The following LRP1B variants were observed in gnomAD, a reference collection of about 807,000 sequenced individuals.
The protein encoded by LRP1B is LDL receptor related protein 1B.
In LRP1B, 217 loss-of-function variants were observed where a neutral mutation model predicts 556.6. The ratio of observed to expected loss-of-function variants is 0.39; its 90% confidence interval spans 0.35 to 0.44. The LOEUF is 0.44. Among genes scored for constraint, LRP1B ranks in the 20% least tolerant of loss-of-function variants. LRP1B has a pLI of 1.00. For synonymous variants in LRP1B, 2,047 were observed against 1,865.8 expected, an observed-to-expected ratio of 1.10 and a Z score of -2.50; for missense variants, 5,053 against 5,620.8, an observed-to-expected ratio of 0.90 and a Z score of 3.23.
At position 141,565,907 on chromosome 2, in the gene LRP1B, AT is replaced by A. The variant is rs548783923; in HGVS notation, c.206-85375del. Among the ~76,000 whole-genome samples the A allele has an allele frequency of 1.8e-4, 27 of 149,834 alleles. No individual in the cohort carries two copies. In the South Asian group the frequency reaches 5.0e-3, roughly 28 times the overall value. ...AATATAACTAACATTATTGAGCACC[AT>A]TTTTTTTTGCCAGGCACTCTGCCTG... On this transcript the variant is annotated intron_variant, in intron 2 of 90. Coordinates refer to ENST00000389484, the MANE Select transcript of LRP1B (RefSeq NM_018557.3).
intron 31 of LRP1B, among the ~76,000 whole-genome samples, chr2:140,839,366 G>A (rs1224497594): frequency 1.3e-5 from 2 of 152,142 alleles, no homozygotes; most frequent in African/African-American, 4.8e-5. Flanking sequence ...TCCTCGGTGT[G>A]TCTGTGAAGC....
intron 6 of LRP1B, among the ~76,000 whole-genome samples, chr2:141,202,149 C>T (rs181197537): frequency 8.0e-5 from 12 of 149,970 alleles, no homozygotes; most frequent in Non-Finnish European, 1.2e-4. Context: ...TGTTGTTGCC[C>T]CCACCTCATG....
At chr2:141,116,802 A>T (rs1700910767) in intron 7 of LRP1B, among the ~76,000 whole-genome samples, 1 of 152,022 alleles carries the variant, frequency 6.6e-6, no homozygotes, top group Admixed American at 6.6e-5. Context: ...CAAAGACTGG[A>T]AAGTATATTT....
At chr2:140,831,243 C>T (rs1691703963) in intron 31 of LRP1B, among the ~76,000 whole-genome samples, 1 of 152,148 alleles carries the variant, frequency 6.6e-6, no homozygotes, top group Non-Finnish European at 1.5e-5. Context: ...TAAATAAAGA[C>T]AGAGACATCA....
intron 1 of LRP1B, among the ~76,000 whole-genome samples, chr2:142,121,262 T>A (rs1340940518): frequency 6.6e-6 from 1 of 152,168 alleles, no homozygotes; most frequent in Admixed American, 6.5e-5. Context: ...TTCTTGTCCT[T>A]CTTTTCAGAC....
chr2:142,082,885 C>CT (rs1211073837), intron 1 of LRP1B, among the ~76,000 whole-genome samples: 5 of 151,716 alleles, frequency 3.3e-5, no homozygotes, highest in Non-Finnish European at 7.4e-5. Context: ...TTTGGATGGG[C>CT]TTTTTTTTGT....
At chr2:140,936,604 A>G (rs1695233381) in intron 20 of LRP1B, among the ~76,000 whole-genome samples, 1 of 152,086 alleles carries the variant, frequency 6.6e-6, no homozygotes. Flanking sequence ...AAAGGAATAA[A>G]AATCACAAGA....
intron 29 of LRP1B, among the ~76,000 whole-genome samples, chr2:140,844,049 G>A (rs1212601700): frequency 3.3e-5 from 5 of 151,854 alleles, no homozygotes; most frequent in Admixed American, 2.0e-4. Context: ...ACGTACTCAA[G>A]CAATCTTAAT....
At chr2:140,470,052 G>C (rs1226851103) in intron 60 of LRP1B, among the ~76,000 whole-genome samples, 2 of 152,146 alleles carry the variant, frequency 1.3e-5, no homozygotes, top group Admixed American at 6.5e-5. Context: ...CCTGTTCTTG[G>C]AATCCCATTA....
intron 2 of LRP1B, among the ~76,000 whole-genome samples, chr2:141,729,951 A>T (rs1266799073): frequency 6.6e-6 from 1 of 152,156 alleles, no homozygotes; most frequent in East Asian, 1.9e-4. Context: ...CAGAATAAGC[A>T]GAAAGGTCTG....
chr2:142,078,496 A>C (rs1705592775), intron 1 of LRP1B, among the ~76,000 whole-genome samples: 1 of 152,176 alleles, frequency 6.6e-6, no homozygotes, highest in South Asian at 2.1e-4. Context: ...AGAAAATTCG[A>C]GTTTAAGATT....
chr2:141,556,458 G>A (rs1429268448), intron 2 of LRP1B, among the ~76,000 whole-genome samples: 1 of 151,920 alleles, frequency 6.6e-6, no homozygotes, highest in Non-Finnish European at 1.5e-5. Flanking sequence ...CCCTCCAAAA[G>A]TGGTACATTC....
intron 16 of LRP1B, among the ~76,000 whole-genome samples, chr2:140,990,979 G>C (rs980954878): frequency 7.2e-5 from 11 of 152,076 alleles, no homozygotes; most frequent in Admixed American, 1.3e-4. Context: ...TTTCTTTAAA[G>C]TAGCTTTGTT....
chr2:140,237,282 G>T (rs1350647771), intron 89 of LRP1B, among the ~76,000 whole-genome samples: 1 of 150,808 alleles, frequency 6.6e-6, no homozygotes, highest in Non-Finnish European at 1.5e-5. Flanking sequence ...TCTGTGCCTG[G>T]ATTATTTCAT....
intron 1 of LRP1B, among the ~76,000 whole-genome samples, chr2:141,969,531 C>A (rs917888686): frequency 6.6e-6 from 1 of 151,590 alleles, no homozygotes; most frequent in African/African-American, 2.4e-5. Context: ...CTGTGTCTGG[C>A]TTATTTCACT....
intron 66 of LRP1B, among the ~76,000 whole-genome samples, chr2:140,412,323 T>C (rs1684998547): frequency 6.6e-6 from 1 of 152,116 alleles, no homozygotes; most frequent in Non-Finnish European, 1.5e-5. Flanking sequence ...TAAGATGGCT[T>C]TGTACAGAAC....
At chr2:141,019,522 C>T (rs2030777) in intron 12 of LRP1B, among the ~76,000 whole-genome samples, 82,129 of 151,798 alleles carry the variant, frequency 0.54, 22,720 homozygotes, top group Admixed American at 0.6. Context: ...TTTAATAAAA[C>T]GTCTGACCTC....
chr2:140,640,860 G>T (rs1684270610), intron 41 of LRP1B, among the ~76,000 whole-genome samples: 2 of 152,118 alleles, frequency 1.3e-5, no homozygotes, highest in South Asian at 4.1e-4. Context: ...TTTGTTGAAT[G>T]AATAAACAAT....
intron 66 of LRP1B, among the ~76,000 whole-genome samples, chr2:140,428,371 T>C (rs1046022575): frequency 3.3e-5 from 5 of 152,148 alleles, no homozygotes; most frequent in African/African-American, 1.2e-4. Context: ...TAAACCGCAG[T>C]GGCCAGGTAT....
Sources: allele counts gnomAD v4.1 joint callset (sites outside exome capture counted in the v4.1 genomes callset), GRCh38; gene constraint gnomAD v4.1.1; transcripts MANE v1.5; gene names NCBI Gene and HGNC (gene_info 2026-07-23, HGNC 2026-07-21).